PRKN: variants seen among roughly 807,000 people sequenced by gnomAD.
PRKN encodes parkin RBR E3 ubiquitin protein ligase.
PRKN carries 56 observed loss-of-function variants against 59.5 expected under a neutral mutation model. That is an observed-to-expected ratio of 0.94 (90% confidence interval 0.76 to 1.18). The LOEUF (loss-of-function observed/expected upper bound fraction) is 1.18. Among genes scored for constraint, PRKN ranks in the 50% most tolerant of loss-of-function variants. The pLI, the probability that PRKN is intolerant of heterozygous loss-of-function variation, is 0.00. For missense variants in PRKN, 657 were observed against 596.4 expected (o/e 1.10, Z -1.06); for synonymous variants, 250 against 222.1 (o/e 1.13, Z -1.12).
At chr6:162,130,187 C>A (rs1206924425) in intron 4 of PRKN, among the ~76,000 whole-genome samples, 3 of 152,118 alleles carry the variant, frequency 2.0e-5, no homozygotes, top group Non-Finnish European at 2.9e-5. Flanking sequence ...CACTGCCCCA[C>A]AAACACCTTT....
intron 7 of PRKN, among the ~76,000 whole-genome samples, chr6:161,710,347 C>T (rs759266136): frequency 1.3e-4 from 20 of 152,152 alleles, no homozygotes; most frequent in Non-Finnish European, 2.4e-4. Context: ...GTTACATCCA[C>T]GTAAACCCGT....
At chr6:162,526,993 A>G (rs1379748276) in intron 1 of PRKN, among the ~76,000 whole-genome samples, 2 of 151,668 alleles carry the variant, frequency 1.3e-5, no homozygotes, top group Non-Finnish European at 2.9e-5. Context: ...GTGAGGCTTG[A>G]GCTTTTCTAA....
chr6:162,472,351 C>T lies in PRKN; in HGVS notation c.8-28878G>A, dbSNP rs771760376. Among the ~76,000 whole-genome samples, 235 of 133,246 alleles carry T rather than the reference C, an allele frequency of 1.8e-3. 4 individuals carry two copies. The highest frequency in any genetic ancestry group is 3.3e-3 in the Non-Finnish European group (206 of 62,592). 87.4% of individuals were successfully genotyped at this position (133,246 alleles called of 152,430 possible). On this transcript the variant is annotated intron_variant, in intron 1 of 11. Transcript: ENST00000366898. ...GTATATCTCCTAATGCTACCCCTCCCCCCACCCCCCACCCCAAGACAGGTG... is the reference window on the plus strand; with the variant it reads ...GTATATCTCCTAATGCTACCCCTCCTCCCACCCCCCACCCCAAGACAGGTG...
intron 7 of PRKN, among the ~76,000 whole-genome samples, chr6:161,663,628 T>C (rs1299820914): frequency 6.6e-6 from 1 of 152,240 alleles, no homozygotes; most frequent in Non-Finnish European, 1.5e-5. Flanking sequence ...TGTCTCCAGA[T>C]GAGTCAGAAA....
intron 6 of PRKN, among the ~76,000 whole-genome samples, chr6:161,887,776 A>G (rs1368238540): frequency 2.0e-5 from 3 of 152,214 alleles, no homozygotes; most frequent in African/African-American, 7.2e-5. Context: ...AATCTAGCAG[A>G]TATTTTAGAA....
rs1562408368 is a variant in PRKN at position 162,584,239 on chromosome 6, CAAAAAACAAAAA to C, written c.8-140778_8-140767del. Among the ~76,000 whole-genome samples, 590 of 118,120 alleles carry C rather than the reference CAAAAAACAAAAA, an allele frequency of 5.0e-3. 6 individuals are homozygous for C. Among genetic ancestry groups the C allele is most frequent in the East Asian group, 0.032 (154 of 4,782 alleles). The allele number at this position is 118,120 out of a possible 152,430, so 77.5% of individuals were successfully genotyped here. The stretch of plus-strand genomic sequence containing the variant: ...AAAAAAAAAAACAAAAAACAAAAAA[CAAAAAACAAAAA>C]AAAAAAAAACACTGACTATATTTAC... On this transcript the variant is annotated intron_variant, in intron 1 of 11. Transcript: ENST00000366898.
rs1028206424 is a variant in PRKN, at chr6:161,355,362, A to G, written c.1285+4726T>C. Among the ~76,000 whole-genome samples the G allele has an allele frequency of 6.6e-6, 1 of 152,174 alleles. No homozygotes were observed. Among genetic ancestry groups the G allele is most frequent in the Non-Finnish European group, 1.5e-5 (1 of 68,036 alleles). ...TTATTAAAAAGATCGGTTTATGTGT[A>G]TATCTCTAAACTTTACAAGCTAAGT... is the stretch of plus-strand genomic sequence containing the variant. On this transcript the variant is annotated intron_variant, in intron 11 of 11. Coordinates refer to ENST00000366898, the MANE Select transcript of PRKN (RefSeq NM_004562.3). This position sits in a 1 kb window ranked among gnomAD's most constrained non-coding sequence, Gnocchi z 6.8.
chr6:161,881,309 C>T (rs1794926906), intron 6 of PRKN, among the ~76,000 whole-genome samples: 1 of 152,188 alleles, frequency 6.6e-6, no homozygotes, highest in South Asian at 2.1e-4. Context: ...AAGTTCCGCC[C>T]TGCCACCCTT....
chr6:162,075,803 C>T (rs62436044), intron 4 of PRKN, among the ~76,000 whole-genome samples: 2,327 of 152,060 alleles, frequency 0.015, 18 homozygotes, highest in Middle Eastern at 0.037. Flanking sequence ...ACGTATGTAA[C>T]GAGCAGGCTT....
intron 7 of PRKN, among the ~76,000 whole-genome samples, chr6:161,717,196 G>T (rs960479184): frequency 3.3e-5 from 5 of 152,194 alleles, no homozygotes; most frequent in Non-Finnish European, 7.3e-5. Context: ...TACAGTTCTA[G>T]ACTGGGAAGT....
In PRKN at chr6:161,378,363, TC is replaced by T. The variant is rs966250349; in HGVS notation, c.1167+8430del. ...CCTGCCAGGCCCCCCAGCTCGGGCA[TC>T]CCCCCATCTGCCACACCGCCAACAT... is the stretch of plus-strand genomic sequence containing the variant. On this transcript the variant is annotated intron_variant, in intron 10 of 11. Coordinates refer to ENST00000366898, the MANE Select transcript of PRKN (RefSeq NM_004562.3). This position sits in a 1 kb window ranked among gnomAD's most constrained non-coding sequence, Gnocchi z 7.3. 6.6e-6 allele frequency among the ~76,000 whole-genome samples: 1 copy of T among 151,864 alleles called. No individual in the cohort carries two copies. Among genetic ancestry groups the T allele is most frequent in the Admixed American group, 6.6e-5 (1 of 15,242 alleles).
chr6:161,574,023 G>A (rs1220881479), intron 7 of PRKN, among the ~76,000 whole-genome samples: 1 of 151,580 alleles, frequency 6.6e-6, no homozygotes, highest in Non-Finnish European at 1.5e-5. Context: ...TTTAACAGAA[G>A]ACTAGATAAT....
chr6:162,513,071 A>G (rs1200346619), intron 1 of PRKN, among the ~76,000 whole-genome samples: 2 of 152,168 alleles, frequency 1.3e-5, no homozygotes, highest in Non-Finnish European at 2.9e-5. Context: ...AAGATGAAGA[A>G]TGCTTCTCAG....
At chr6:161,770,225 C>T (rs1789606610) in intron 7 of PRKN, among the ~76,000 whole-genome samples, 1 of 152,100 alleles carries the variant, frequency 6.6e-6, no homozygotes, top group South Asian at 2.1e-4. Flanking sequence ...GGCTGGAGGA[C>T]AAGGCGTGTC....
intron 1 of PRKN, among the ~76,000 whole-genome samples, chr6:162,651,809 TAAA>T (rs944878357): frequency 6.6e-6 from 1 of 151,628 alleles, no homozygotes; most frequent in African/African-American, 2.4e-5. Context: ...ATGATAATGA[TAAA>T]AATAATATTT....
intron 4 of PRKN, among the ~76,000 whole-genome samples, chr6:162,084,732 C>T (rs1349973412): frequency 3.3e-5 from 5 of 151,890 alleles, no homozygotes; most frequent in Non-Finnish European, 5.9e-5. Context: ...TAAGAGTGTA[C>T]TGTAGTTACA....
chr6:161,946,343 A>G (rs998607998), intron 6 of PRKN, among the ~76,000 whole-genome samples: 1 of 151,908 alleles, frequency 6.6e-6, no homozygotes, highest in African/African-American at 2.4e-5. Context: ...TAGGAGAAAT[A>G]AAGATGAAAA....
intron 5 of PRKN, among the ~76,000 whole-genome samples, chr6:162,035,839 AT>A (rs1331250234): frequency 7.2e-5 from 11 of 152,198 alleles, no homozygotes; most frequent in Non-Finnish European, 1.6e-4. Context: ...ATAAAAAGTA[AT>A]TTGTAGATTT....
At chr6:161,492,326 G>A (rs1281226064) in intron 9 of PRKN, among the ~76,000 whole-genome samples, 1 of 152,162 alleles carries the variant, frequency 6.6e-6, no homozygotes, top group African/African-American at 2.4e-5. Flanking sequence ...ATGGCCTATG[G>A]TCTTGGACAA....
Sources: allele counts gnomAD v4.1 joint callset (sites outside exome capture counted in the v4.1 genomes callset), GRCh38; gene constraint gnomAD v4.1.1; non-coding constraint Gnocchi (gnomAD v3.1); transcripts MANE v1.5; gene names NCBI Gene and HGNC (gene_info 2026-07-23, HGNC 2026-07-21).